Variants in PPFIA2 observed in about 807,000 individuals in gnomAD.
PPFIA2 encodes PPFI scaffold protein A2, also known as liprin-alpha-2.
A neutral mutation model predicts 175.5 loss-of-function variants in PPFIA2; 46 were observed. The observed-to-expected ratio is 0.26, with a 90% CI of 0.21 to 0.34. The LOEUF (loss-of-function observed/expected upper bound fraction) is 0.34, where lower values mean the gene tolerates loss of function less well. Ranked by LOEUF, PPFIA2 falls within the 10% of genes least tolerant of loss-of-function variation. The pLI is 1.00. For missense variants in PPFIA2, 1,179 were observed against 1,506.1 expected (o/e 0.78, Z 3.60); for synonymous variants, 568 against 511.4 (o/e 1.11, Z -1.49).
At chr12:81,710,007 G>C (rs2077685841) in intron 3 of PPFIA2, among the ~76,000 whole-genome samples, 2 of 151,732 alleles carry the variant, frequency 1.3e-5, no homozygotes, top group African/African-American at 4.8e-5. Context: ...AATTCAATAG[G>C]GGATAATATA....
intron 4 of PPFIA2, among the ~76,000 whole-genome samples, chr12:81,642,693 CATACATGTAT>C (rs1451092426): frequency 1.0e-5 from 1 of 97,228 alleles, no homozygotes; most frequent in African/African-American, 3.7e-5. Context: ...CTATTATATA[CATACATGTAT>C]ATGTATGTAT....
rs75159562 is a variant in PPFIA2 at position 81,623,476 on chromosome 12, C to A, written c.303+53315G>T. On this transcript the variant is annotated intron_variant, in intron 4 of 32. Transcript: ENST00000549396. ...ATCCATCTACTACCTAGAATTGGGA[C>A]ACATTTGTATAAGACTGAAAGATGT... Among the ~76,000 whole-genome samples, 19 of 152,036 alleles carry A rather than the reference C, an allele frequency of 1.2e-4. 1 individual carries two copies. In the East Asian group the frequency reaches 3.7e-3, roughly 29 times the overall value.
intron 4 of PPFIA2, among the ~76,000 whole-genome samples, chr12:81,621,619 G>T (rs140888783): frequency 6.6e-6 from 1 of 152,304 alleles, no homozygotes; most frequent in Non-Finnish European, 1.5e-5. Context: ...TGAAGGTAAT[G>T]TGAGGCATAT....
chr12:81,738,240 C>T lies in PPFIA2; in HGVS notation c.249+15733G>A, dbSNP rs552179594. ...AGTGCCAAGTGAAAATAACCACTAA[C>T]GTAAAATTCTATCTCCAGTAGAAAT... On this transcript the variant is annotated intron_variant, in intron 3 of 32. Coordinates refer to ENST00000549396, the MANE Select transcript of PPFIA2 (RefSeq NM_003625.5). Among the ~76,000 whole-genome samples, 7 of 151,800 alleles carry T rather than the reference C, an allele frequency of 4.6e-5. No individual in the cohort carries two copies. The South Asian group carries it at 8.3e-4, about 18-fold the overall frequency.
At chr12:81,261,716 A>G (rs923323809) in intron 32 of PPFIA2, among the ~76,000 whole-genome samples, 5 of 152,228 alleles carry the variant, frequency 3.3e-5, no homozygotes, top group African/African-American at 1.2e-4. Flanking sequence ...GTAATAATAC[A>G]GTGATAGGCC....
intron 22 of PPFIA2, among the ~76,000 whole-genome samples, chr12:81,315,690 A>C (rs147789781): frequency 4.6e-5 from 7 of 151,780 alleles, no homozygotes; most frequent in African/African-American, 1.7e-4. Flanking sequence ...AAAGTTGTAA[A>C]ATCAAAAGGT....
At chr12:81,289,765 T>C (rs2137502914) in intron 24 of PPFIA2, among the ~76,000 whole-genome samples, 1 of 152,022 alleles carries the variant, frequency 6.6e-6, no homozygotes, top group African/African-American at 2.4e-5. Context: ...GTGCTCCATC[T>C]AAATTTGCAA....
At chr12:81,708,405 G>C (rs1489042060) in intron 3 of PPFIA2, among the ~76,000 whole-genome samples, 1 of 151,950 alleles carries the variant, frequency 6.6e-6, no homozygotes, top group Non-Finnish European at 1.5e-5. Context: ...AAATTTTAAA[G>C]AATGAAATTA....
chr12:81,347,735 C>A lies in PPFIA2; in HGVS notation c.2030G>T (p.Arg677Leu), dbSNP rs373118660. ...CACTCTATTTTCAATTTCTTCAGCA[C>A]GCAACTCTGTAGATTCTTTTTCTTC... The part of the protein sequence containing the change: ...IQEEKESTEL[R>L]AEEIENRVAS... Residue 677 changes from arginine to leucine, a missense_variant, in exon 18 of 33, where the codon CGT (arginine) becomes CTT (leucine). Physicochemically the swap from Arg to Leu is moderately radical, Grantham distance 102 (BLOSUM62 -2). Around this residue, in one of 10 missense-constraint regions of PPFIA2, gnomAD observed 223 missense variants for 241.6 expected, o/e 0.92. Coordinates refer to ENST00000549396, the MANE Select transcript of PPFIA2 (RefSeq NM_003625.5). 4.3e-6 allele frequency: 7 copies of A among 1,613,806 alleles called. No homozygotes were observed. The highest frequency in any genetic ancestry group is 1.7e-5 in the Admixed American group (1 of 59,992).
rs144615094 is a variant in PPFIA2 at position 81,299,450 on chromosome 12, T to A, written c.2643-68A>T. On this transcript the variant is annotated intron_variant, in intron 22 of 32. Transcript: ENST00000549396. ...ATATGGCTGTGATTATTTTTAATGA[T>A]AATATTTTAAAATAACCAATCATCC... 3,469 of 1,503,698 alleles carry A rather than the reference T, an allele frequency of 2.3e-3. 87 individuals are homozygous for A. The East Asian group carries it at 0.065, about 28-fold the overall frequency. 93.1% of individuals were successfully genotyped at this position (1,503,698 alleles called of 1,614,324 possible).
intron 17 of PPFIA2, chr12:81,350,380 G>A (rs1045480391): frequency 6.6e-6 from 1 of 152,120 alleles, no homozygotes; most frequent in Non-Finnish European, 1.5e-5. Context: ...TACATTTCTT[G>A]CTCCTGTATA....
intron 4 of PPFIA2, among the ~76,000 whole-genome samples, chr12:81,636,025 C>T (rs1018913322): frequency 3.4e-4 from 51 of 152,146 alleles, no homozygotes; most frequent in Non-Finnish European, 4.3e-4. Flanking sequence ...TTAATCTCTA[C>T]ACCTACTTAG....
chr12:81,324,821 A>C (rs1231163097), intron 22 of PPFIA2, among the ~76,000 whole-genome samples: 1 of 152,026 alleles, frequency 6.6e-6, no homozygotes, highest in Non-Finnish European at 1.5e-5. Context: ...ATATATGTAC[A>C]TAATTTTTAG....
chr12:81,614,291 T>C (rs1214898342), intron 4 of PPFIA2, among the ~76,000 whole-genome samples: 1 of 152,134 alleles, frequency 6.6e-6, no homozygotes, highest in Admixed American at 6.5e-5. Context: ...TGCTCTTCAA[T>C]GTATGCTTTA....
At chr12:81,512,333 T>C (rs1356376518) in intron 4 of PPFIA2, 2 of 1,288,754 alleles carry the variant, frequency 1.6e-6, no homozygotes, top group Admixed American at 4.6e-5. Flanking sequence ...CCCACTGCTA[T>C]CTCTTATGTA....
At chr12:81,353,011 C>T in intron 17 of PPFIA2, 108 bp downstream of exon 17, 1 of 918,676 alleles carries the variant, frequency 1.1e-6, no homozygotes, top group Non-Finnish European at 1.7e-6. Flanking sequence ...TTCTGCAGAT[C>T]TATTAAGCTC....
Position 81,758,491 on chromosome 12 carries a change from A to T in PPFIA2, c.-94T>A, listed in dbSNP as rs1214928298. On this transcript the variant is annotated 5_prime_UTR_variant, in exon 2 of 33. Coordinates refer to ENST00000549396, the MANE Select transcript of PPFIA2 (RefSeq NM_003625.5). ...AGGAGAAGGGAGGCTCACACCCAGCACTCCTGGACCATTTCCCTAGCAACG... is the reference window on the plus strand; with the variant it reads ...AGGAGAAGGGAGGCTCACACCCAGCTCTCCTGGACCATTTCCCTAGCAACG... 2.2e-6 allele frequency: 1 copy of T among 453,978 alleles called. No homozygotes were observed. The highest frequency in any genetic ancestry group is 2.0e-5 in the African/African-American group (1 of 49,976). 28.1% of individuals were successfully genotyped at this position (453,978 alleles called of 1,614,324 possible).
At chr12:81,635,236 A>G (rs1047654609) in intron 4 of PPFIA2, among the ~76,000 whole-genome samples, 4 of 152,172 alleles carry the variant, frequency 2.6e-5, no homozygotes, top group Non-Finnish European at 5.9e-5. Flanking sequence ...GACTTTCTTT[A>G]TAACTCTCTT....
intron 4 of PPFIA2, among the ~76,000 whole-genome samples, chr12:81,579,186 T>A (rs11613498): frequency 0.098 from 14,845 of 151,784 alleles, 868 homozygotes; most frequent in Middle Eastern, 0.17. Flanking sequence ...GTGACACTCA[T>A]AATAGGCCTT....
Sources: gnomAD v4.1 joint callset for allele counts (sites outside exome capture counted in the v4.1 genomes callset) on GRCh38, gnomAD v4.1.1 for gene constraint, gnomAD v4.1.1 regional missense constraint, MANE v1.5 for transcripts, NCBI Gene and HGNC (gene_info 2026-07-23, HGNC 2026-07-21) for gene names.